Variants in GABPB1 observed in about 807,000 individuals in gnomAD.
GABPB1 encodes GA binding protein transcription factor subunit beta 1.
GABPB1 carries 15 observed loss-of-function variants against 45.9 expected under a neutral mutation model. That is an observed-to-expected ratio of 0.33 (90% CI 0.22 to 0.50). The LOEUF is 0.50. Ranked by LOEUF, GABPB1 falls within the 20% of genes least tolerant of loss-of-function variation. The pLI is 0.98. For missense variants in GABPB1, 252 were observed against 457.5 expected, an observed-to-expected ratio of 0.55 and a Z score of 4.10; for synonymous variants, 143 against 154.4, an observed-to-expected ratio of 0.93 and a Z score of 0.55.
intron 1 of GABPB1, among the ~76,000 whole-genome samples, chr15:50,339,147 T>C (rs900509546): frequency 1.1e-4 from 17 of 152,074 alleles, no homozygotes; most frequent in Non-Finnish European, 2.1e-4. Context: ...GGTGAAACCC[T>C]GTCTGTACTA....
At chr15:50,329,394 G>C (rs2047875845) in intron 1 of GABPB1, among the ~76,000 whole-genome samples, 1 of 152,168 alleles carries the variant, frequency 6.6e-6, no homozygotes, top group East Asian at 1.9e-4. Flanking sequence ...TTTTATACTT[G>C]TATCTCTATT....
intron 1 of GABPB1, among the ~76,000 whole-genome samples, chr15:50,324,172 C>G (rs535909966): frequency 2.0e-5 from 3 of 151,864 alleles, no homozygotes; most frequent in African/African-American, 7.2e-5. Flanking sequence ...CCACTGCATT[C>G]CAGTCTAGAC....
intron 6 of GABPB1, among the ~76,000 whole-genome samples, chr15:50,293,772 G>A (rs1177227028): frequency 6.6e-6 from 1 of 152,124 alleles, no homozygotes; most frequent in African/African-American, 2.4e-5. Context: ...AAATAATAGA[G>A]TTCTTGCCTT....
chr15:50,325,729 C>T (rs2141109231), intron 1 of GABPB1, among the ~76,000 whole-genome samples: 1 of 151,544 alleles, frequency 6.6e-6, no homozygotes, highest in East Asian at 2.0e-4. Context: ...GATGGGGTAT[C>T]ACCCTGTTAG....
At chr15:50,307,002 T>C (rs559568548) in intron 2 of GABPB1, among the ~76,000 whole-genome samples, 9 of 152,330 alleles carry the variant, frequency 5.9e-5, no homozygotes, top group South Asian at 2.1e-4. Flanking sequence ...TGTGTTATTA[T>C]GAATAATGTT....
At chr15:50,329,991 C>G (rs1457414490) in intron 1 of GABPB1, among the ~76,000 whole-genome samples, 1 of 151,792 alleles carries the variant, frequency 6.6e-6, no homozygotes, top group African/African-American at 2.4e-5. Flanking sequence ...ACTGCAGCCT[C>G]GACCTCTCAG....
Position 50,277,604 on chromosome 15 carries a change from C to T in GABPB1, c.*1028G>A, listed in dbSNP as rs2045860408. The T allele has an allele frequency of 6.6e-6, 1 of 152,448 alleles. No homozygotes were observed. Among genetic ancestry groups the T allele is most frequent in the Non-Finnish European group, 1.5e-5 (1 of 68,014 alleles). The allele number at this position is 152,448 out of a possible 1,614,324, so 9.4% of individuals were successfully genotyped here. Reference sequence around the variant, plus strand: ...TTGCATCACTGTAATACAAAAAGTTCCTGTTCTACATACAAAAGCAATTTT... The same window carrying T: ...TTGCATCACTGTAATACAAAAAGTTTCTGTTCTACATACAAAAGCAATTTT... On this transcript the variant is annotated 3_prime_UTR_variant, in exon 9 of 9. Transcript: ENST00000380877.
chr15:50,324,832 C>T (rs2047694157), intron 1 of GABPB1, among the ~76,000 whole-genome samples: 2 of 152,192 alleles, frequency 1.3e-5, no homozygotes, highest in South Asian at 4.1e-4. Flanking sequence ...CAGGTGTGAG[C>T]CACCCCGCCT....
chr15:50,286,278 A>G, intron 7 of GABPB1, 95 bp from the exon 8 acceptor site: 1 of 779,004 alleles, frequency 1.3e-6, no homozygotes, highest in Non-Finnish European at 1.8e-6. Context: ...CTCATCTAAA[A>G]TAACTACATT....
At position 50,278,609 on chromosome 15, in the gene GABPB1, A is replaced by G; in HGVS notation, c.*23T>C. 2.5e-6 allele frequency: 4 copies of G among 1,604,306 alleles called. No homozygotes were observed. Among genetic ancestry groups the G allele is most frequent in the Non-Finnish European group, 3.4e-6 (4 of 1,175,814 alleles). ...GTATTCTTTCTTGACCAAAAGTAAA[A>G]TCAAACTACATGTTCATTTCAATTA... On this transcript the variant is annotated 3_prime_UTR_variant, in exon 9 of 9. Coordinates refer to ENST00000380877, the MANE Select transcript of GABPB1 (RefSeq NM_016654.5).
At chr15:50,323,925 G>A (rs555355782) in intron 1 of GABPB1, among the ~76,000 whole-genome samples, 6 of 152,250 alleles carry the variant, frequency 3.9e-5, no homozygotes, top group African/African-American at 1.4e-4. Flanking sequence ...AAAAATGGCT[G>A]GGTGTGGTGC....
intron 6 of GABPB1, among the ~76,000 whole-genome samples, chr15:50,299,920 G>A (rs550429698): frequency 2.6e-5 from 4 of 151,782 alleles, no homozygotes; most frequent in Non-Finnish European, 5.9e-5. Flanking sequence ...AGGTTCAAGC[G>A]ATCCTCTGAC....
At chr15:50,349,294 C>A (rs1037490361) in intron 1 of GABPB1, 1 of 152,130 alleles carries the variant, frequency 6.6e-6, no homozygotes, top group Non-Finnish European at 1.5e-5. Context: ...AATTCCATAA[C>A]CTATTAGACC....
chr15:50,348,475 T>G (rs937448357), intron 1 of GABPB1, among the ~76,000 whole-genome samples: 1 of 152,034 alleles, frequency 6.6e-6, no homozygotes, highest in African/African-American at 2.4e-5. Context: ...GGTCTCGAAT[T>G]CTTGACCTCA....
intron 1 of GABPB1, among the ~76,000 whole-genome samples, chr15:50,332,617 G>C (rs1295423817): frequency 6.6e-6 from 1 of 151,944 alleles, no homozygotes; most frequent in Non-Finnish European, 1.5e-5. Context: ...TGATTGTTAG[G>C]ACTTACTTTA....
intron 7 of GABPB1, 25 bp downstream of exon 7, chr15:50,289,458 C>A: frequency 6.4e-6 from 9 of 1,402,438 alleles, no homozygotes; most frequent in South Asian, 1.4e-5. Flanking sequence ...AACATACAAA[C>A]TTTATATAAA....
chr15:50,311,187 A>T (rs1000986898), intron 1 of GABPB1, among the ~76,000 whole-genome samples: 5 of 152,184 alleles, frequency 3.3e-5, no homozygotes, highest in African/African-American at 9.6e-5. Flanking sequence ...CAAACATTCA[A>T]ATTCAAGGGA....
chr15:50,355,036 G>C lies in GABPB1; in HGVS notation c.-52C>G, dbSNP rs1043271061. On this transcript the variant is annotated 5_prime_UTR_variant, in exon 1 of 9. Coordinates refer to ENST00000380877, the MANE Select transcript of GABPB1 (RefSeq NM_016654.5). Reference sequence around the variant, plus strand: ...GGAAGGCAGCAGGAGGTGGTGCGGGGACCCGAGGCGCCTCGTACCCGGCCG... The same window carrying C: ...GGAAGGCAGCAGGAGGTGGTGCGGGCACCCGAGGCGCCTCGTACCCGGCCG... 6.4e-6 allele frequency: 1 copy of C among 155,518 alleles called. No individual in the cohort carries two copies. The highest frequency in any genetic ancestry group is 2.4e-5 in the African/African-American group (1 of 41,606). 9.6% of individuals were successfully genotyped at this position (155,518 alleles called of 1,614,324 possible).
At position 50,355,139 on chromosome 15, in the gene GABPB1, G is replaced by T. The variant is rs543736640; in HGVS notation, c.-155C>A. ...TTTCCGAAAATGCCGCGTCTGGTCG[G>T]CGCCCAAAATCCCCACCGAAAAGTC... On this transcript the variant is annotated 5_prime_UTR_variant, in exon 1 of 9. Transcript: ENST00000380877. 6.5e-6 allele frequency: 1 copy of T among 153,156 alleles called. No individual in the cohort carries two copies. Among genetic ancestry groups the T allele is most frequent in the Non-Finnish European group, 1.5e-5 (1 of 68,324 alleles). 9.5% of individuals were successfully genotyped at this position (153,156 alleles called of 1,614,324 possible).
Sources: allele counts gnomAD v4.1 joint callset (sites outside exome capture counted in the v4.1 genomes callset), GRCh38; gene constraint gnomAD v4.1.1; transcripts MANE v1.5; gene names NCBI Gene and HGNC (gene_info 2026-07-23, HGNC 2026-07-21).